Variants in CNTN6 observed in about 807,000 individuals in gnomAD.
The protein encoded by CNTN6 is contactin-6.
In CNTN6, 137 loss-of-function variants were observed where a neutral mutation model predicts 122.8. The observed-to-expected ratio is 1.12, with a 90% CI of 0.97 to 1.29. CNTN6 has a LOEUF of 1.29. Among genes scored for constraint, CNTN6 ranks in the 50% most tolerant of loss-of-function variants. The pLI, the probability that CNTN6 is intolerant of heterozygous loss-of-function variation, is 0.00. For missense variants in CNTN6, 1,634 were observed against 1,223.4 expected, an observed-to-expected ratio of 1.34 and a Z score of -5.01; for synonymous variants, 570 against 426.0, an observed-to-expected ratio of 1.34 and a Z score of -4.16.
chr3:1,172,411 C>G (rs1281865503), intron 2 of CNTN6, among the ~76,000 whole-genome samples: 1 of 152,150 alleles, frequency 6.6e-6, no homozygotes, highest in African/African-American at 2.4e-5. Flanking sequence ...CATGTGCCAG[C>G]CTCTGCACTA....
At chr3:1,156,382 A>C (rs896734513) in intron 2 of CNTN6, among the ~76,000 whole-genome samples, 1 of 152,230 alleles carries the variant, frequency 6.6e-6, no homozygotes, top group African/African-American at 2.4e-5. Context: ...TCTCAAATAT[A>C]TGCTCATTCT....
At chr3:1,121,824 A>G (rs911803936) in intron 1 of CNTN6, among the ~76,000 whole-genome samples, 2 of 151,960 alleles carry the variant, frequency 1.3e-5, no homozygotes, top group African/African-American at 2.4e-5. Flanking sequence ...TTTTGCTTAG[A>G]GCTGACTCCA....
In CNTN6 at chr3:1,373,026, A is replaced by G. The variant is rs1014237466; in HGVS notation, c.1786+71A>G. On this transcript the variant is annotated intron_variant, in intron 14 of 22. Coordinates refer to ENST00000446702, the MANE Select transcript of CNTN6 (RefSeq NM_001289080.2). ...TACAGTGTTCATATCTAAATTGTAG[A>G]CCTCTGAGAAACCACACCATGTTAT... 1.8e-5 allele frequency: 16 copies of G among 874,754 alleles called. No individual in the cohort carries two copies. In the African/African-American group the frequency reaches 2.7e-4, roughly 15 times the overall value. 54.2% of individuals were successfully genotyped at this position (874,754 alleles called of 1,614,324 possible).
At chr3:1,113,291 A>C (rs28566845) in intron 1 of CNTN6, among the ~76,000 whole-genome samples, 1 of 152,108 alleles carries the variant, frequency 6.6e-6, no homozygotes, top group African/African-American at 2.4e-5. Flanking sequence ...ATGTTATTCA[A>C]ATTTGCTTCA....
intron 1 of CNTN6, among the ~76,000 whole-genome samples, chr3:1,126,732 T>G (rs2092174569): frequency 6.6e-6 from 1 of 151,924 alleles, no homozygotes; most frequent in Admixed American, 6.6e-5. Flanking sequence ...CTGGAAACAA[T>G]GTCTTGAGCC....
At chr3:1,336,073 AC>A (rs1365492151) in intron 11 of CNTN6, among the ~76,000 whole-genome samples, 2 of 151,780 alleles carry the variant, frequency 1.3e-5, no homozygotes, top group African/African-American at 4.8e-5. Flanking sequence ...AACAACAACA[AC>A]AAAAAAATCC....
chr3:1,399,343 T>A (rs941794135), intron 20 of CNTN6, among the ~76,000 whole-genome samples: 1 of 152,038 alleles, frequency 6.6e-6, no homozygotes, highest in Non-Finnish European at 1.5e-5. Flanking sequence ...GGAAGGATAG[T>A]TACAAAATAA....
intron 2 of CNTN6, among the ~76,000 whole-genome samples, chr3:1,172,620 C>CTCTCTCTG (rs762907787): frequency 6.7e-6 from 1 of 150,180 alleles, no homozygotes; most frequent in African/African-American, 2.4e-5. Flanking sequence ...CAATAACTCT[C>CTCTCTCTG]TGTGTGTGTG....
intron 4 of CNTN6, among the ~76,000 whole-genome samples, chr3:1,232,336 G>A (rs376687261): frequency 1.8e-4 from 28 of 152,162 alleles, no homozygotes; most frequent in Admixed American, 1.2e-3. Context: ...CCAAGCAACC[G>A]GAGAACACCT....
chr3:1,343,327 C>T (rs1161010981), intron 11 of CNTN6, among the ~76,000 whole-genome samples: 3 of 152,212 alleles, frequency 2.0e-5, no homozygotes, highest in East Asian at 3.9e-4. Flanking sequence ...GGCACCCCAA[C>T]CCCTGCATTG....
At chr3:1,289,926 G>C (rs950899585) in intron 5 of CNTN6, among the ~76,000 whole-genome samples, 1 of 152,058 alleles carries the variant, frequency 6.6e-6, no homozygotes, top group African/African-American at 2.4e-5. Flanking sequence ...CGCCCGCCTC[G>C]GCCTCCCAAA....
intron 1 of CNTN6, among the ~76,000 whole-genome samples, chr3:1,124,261 A>T (rs2092074362): frequency 6.6e-6 from 1 of 151,868 alleles, no homozygotes; most frequent in East Asian, 1.9e-4. Flanking sequence ...CAACGCGCCA[A>T]CACCACCCAG....
At chr3:1,175,796 T>A (rs2093438535) in intron 2 of CNTN6, among the ~76,000 whole-genome samples, 3 of 145,340 alleles carry the variant, frequency 2.1e-5, no homozygotes, top group African/African-American at 7.3e-5. Flanking sequence ...GATGCGGGAC[T>A]CTTGCTGTAG....
intron 2 of CNTN6, among the ~76,000 whole-genome samples, chr3:1,182,960 T>TCGA (rs1236393728): frequency 6.6e-6 from 1 of 152,130 alleles, no homozygotes; most frequent in Non-Finnish European, 1.5e-5. Context: ...ATGTATTGTC[T>TCGA]CAAGTGATTA....
intron 11 of CNTN6, among the ~76,000 whole-genome samples, chr3:1,345,671 G>A (rs1294539066): frequency 2.0e-5 from 3 of 152,036 alleles, no homozygotes; most frequent in East Asian, 1.9e-4. Context: ...AACAGATTCC[G>A]GTGGGACATT....
chr3:1,237,481 G>C (rs1484855766), intron 4 of CNTN6, among the ~76,000 whole-genome samples: 1 of 152,166 alleles, frequency 6.6e-6, no homozygotes, highest in Non-Finnish European at 1.5e-5. Flanking sequence ...ATGTCTGAGA[G>C]AATAATCCAG....
At chr3:1,301,105 C>T (rs574150310) in intron 7 of CNTN6, among the ~76,000 whole-genome samples, 1 of 138,690 alleles carries the variant, frequency 7.2e-6, no homozygotes, top group South Asian at 2.3e-4. Context: ...GGCACGATCT[C>T]GGCTCACTGC....
At chr3:1,316,412 G>C (rs1700105757) in intron 7 of CNTN6, among the ~76,000 whole-genome samples, 1 of 151,768 alleles carries the variant, frequency 6.6e-6, no homozygotes, top group African/African-American at 2.4e-5. Context: ...AAGAGAGAGA[G>C]AGGGAAGGTG....
chr3:1,297,864 T>C (rs751646682), intron 6 of CNTN6, 25 bp from the exon 7 acceptor site: 21 of 1,559,362 alleles, frequency 1.3e-5, no homozygotes, highest in Middle Eastern at 1.7e-4. Context: ...CCAGAAATGC[T>C]GCTAGCTCTT....
Sources: gnomAD v4.1 joint callset for allele counts (sites outside exome capture counted in the v4.1 genomes callset) on GRCh38, gnomAD v4.1.1 for gene constraint, MANE v1.5 for transcripts, NCBI Gene and HGNC (gene_info 2026-07-23, HGNC 2026-07-21) for gene names.